NELL1: variants seen among roughly 807,000 people sequenced by gnomAD.
NELL1 encodes the protein neural EGFL like 1.
A neutral mutation model predicts 107.4 loss-of-function variants in NELL1; 76 were observed. That is an observed-to-expected ratio of 0.71 (90% CI 0.59 to 0.86). The LOEUF (loss-of-function observed/expected upper bound fraction) is 0.86, where lower values mean the gene tolerates loss of function less well. Ranked by LOEUF, NELL1 falls within the 40% of genes least tolerant of loss-of-function variation. The pLI is 0.00. For synonymous variants in NELL1, 353 were observed against 341.2 expected, an observed-to-expected ratio of 1.03 and a Z score of -0.38; for missense variants, 1,024 against 1,005.5, an observed-to-expected ratio of 1.02 and a Z score of -0.25.
chr11:21,045,333 A>G (rs1257494337), intron 12 of NELL1, among the ~76,000 whole-genome samples: 1 of 152,166 alleles, frequency 6.6e-6, no homozygotes, highest in African/African-American at 2.4e-5. Flanking sequence ...GGTTTGAGGG[A>G]AGAGAGTGTT....
rs1851208896 is a variant in NELL1 at position 20,957,834 on chromosome 11, A to G, written c.1172-2598A>G. Among the ~76,000 whole-genome samples the G allele has an allele frequency of 1.3e-5, 2 of 152,186 alleles. 1 individual carries two copies. Among genetic ancestry groups the G allele is most frequent in the South Asian group, 4.1e-4 (2 of 4,832 alleles). Reference sequence around the variant, plus strand: ...ATTAATAAACTGAAAGATACATCTCAAAATGATGCAGAATTCACCATAAAG... The same window carrying G: ...ATTAATAAACTGAAAGATACATCTCGAAATGATGCAGAATTCACCATAAAG... On this transcript the variant is annotated intron_variant, in intron 11 of 19. Transcript: ENST00000357134.
At chr11:21,127,338 A>G (rs59231015) in intron 13 of NELL1, among the ~76,000 whole-genome samples, 42,102 of 152,108 alleles carry the variant, frequency 0.28, 6,402 homozygotes, top group African/African-American at 0.39. Flanking sequence ...GCTCACACCC[A>G]TAATCTCAGC....
intron 14 of NELL1, among the ~76,000 whole-genome samples, chr11:21,248,279 G>A (rs1009690050): frequency 2.6e-5 from 4 of 151,680 alleles, no homozygotes; most frequent in East Asian, 1.9e-4. Context: ...CCAGGATGTC[G>A]AAGCTGCAGT....
chr11:21,544,764 T>C (rs1856390812), intron 16 of NELL1, among the ~76,000 whole-genome samples: 1 of 151,948 alleles, frequency 6.6e-6, no homozygotes, highest in South Asian at 2.1e-4. Context: ...ATGGATTTGG[T>C]TTCTATTATT....
chr11:21,308,956 G>A (rs943806742), intron 14 of NELL1, among the ~76,000 whole-genome samples: 8 of 151,608 alleles, frequency 5.3e-5, no homozygotes, highest in Non-Finnish European at 8.8e-5. Flanking sequence ...TGAAAAAAAA[G>A]CAAAGTTCCT....
At chr11:21,299,795 T>C (rs1849455003) in intron 14 of NELL1, among the ~76,000 whole-genome samples, 1 of 152,010 alleles carries the variant, frequency 6.6e-6, no homozygotes. Flanking sequence ...GAAGACTTTA[T>C]TTATGGACAT....
intron 2 of NELL1, among the ~76,000 whole-genome samples, chr11:20,751,069 A>G (rs1856126209): frequency 6.6e-6 from 1 of 151,572 alleles, no homozygotes; most frequent in Admixed American, 6.6e-5. Flanking sequence ...ATATGAATCT[A>G]TTTCTATTCC....
At chr11:21,183,566 T>G (rs1233164107) in intron 13 of NELL1, among the ~76,000 whole-genome samples, 1 of 151,768 alleles carries the variant, frequency 6.6e-6, no homozygotes, top group Non-Finnish European at 1.5e-5. Context: ...AGATTATCAT[T>G]AATTAAGGAA....
intron 13 of NELL1, among the ~76,000 whole-genome samples, chr11:21,139,493 CTT>C (rs1855819737): frequency 6.6e-6 from 1 of 152,196 alleles, no homozygotes; most frequent in Admixed American, 6.5e-5. Flanking sequence ...GTTTTCCCTT[CTT>C]ACAACTTATC....
chr11:21,320,586 C>T (rs908182704), intron 14 of NELL1, among the ~76,000 whole-genome samples: 3 of 152,134 alleles, frequency 2.0e-5, no homozygotes, highest in African/African-American at 7.2e-5. Context: ...CAGATGAAGA[C>T]ACTGTACTAA....
chr11:20,694,732 G>T (rs1161554470), intron 2 of NELL1, among the ~76,000 whole-genome samples: 1 of 151,830 alleles, frequency 6.6e-6, no homozygotes, highest in Admixed American at 6.6e-5. Flanking sequence ...TGTTTCTGTG[G>T]GGTAATGCTC....
At chr11:21,442,209 T>C (rs1853302843) in intron 15 of NELL1, among the ~76,000 whole-genome samples, 1 of 152,204 alleles carries the variant, frequency 6.6e-6, no homozygotes, top group South Asian at 2.1e-4. Context: ...AAATCTATTG[T>C]TAAGAAGTAG....
At chr11:20,729,433 G>T (rs528708931) in intron 2 of NELL1, among the ~76,000 whole-genome samples, 4 of 151,936 alleles carry the variant, frequency 2.6e-5, no homozygotes, top group Non-Finnish European at 5.9e-5. Context: ...GTATGATGTT[G>T]GTTATGGATT....
intron 13 of NELL1, among the ~76,000 whole-genome samples, chr11:21,155,189 G>T (rs2133791904): frequency 6.6e-6 from 1 of 152,224 alleles, no homozygotes; most frequent in Middle Eastern, 3.4e-3. Flanking sequence ...GGTGGATGAT[G>T]GTATTACTAA....
intron 14 of NELL1, among the ~76,000 whole-genome samples, chr11:21,251,967 G>T (rs1858649689): frequency 6.6e-6 from 1 of 152,248 alleles, no homozygotes; most frequent in African/African-American, 2.4e-5. Context: ...AAAGAACAGG[G>T]TTGTGTTCAT....
At chr11:20,750,992 T>A (rs993140799) in intron 2 of NELL1, among the ~76,000 whole-genome samples, 8 of 152,226 alleles carry the variant, frequency 5.3e-5, no homozygotes, top group Non-Finnish European at 1.0e-4. Flanking sequence ...ACTTTTCCTA[T>A]TTCATTGACT....
At chr11:21,215,336 C>T (rs918486135) in intron 13 of NELL1, among the ~76,000 whole-genome samples, 4 of 152,294 alleles carry the variant, frequency 2.6e-5, no homozygotes, top group African/African-American at 9.6e-5. Context: ...GTAAATTAAA[C>T]TTCTTTCCTT....
At chr11:20,694,823 A>T (rs1207793663) in intron 2 of NELL1, among the ~76,000 whole-genome samples, 4 of 151,848 alleles carry the variant, frequency 2.6e-5, no homozygotes, top group African/African-American at 9.7e-5. Context: ...TTTTAATTCT[A>T]TGAAAAATGA....
intron 12 of NELL1, among the ~76,000 whole-genome samples, chr11:21,021,521 C>T (rs939945301): frequency 2.0e-5 from 3 of 152,052 alleles, no homozygotes; most frequent in Admixed American, 2.0e-4. Flanking sequence ...GAAGGCAAGT[C>T]AGATGAAAGC....
Sources: allele counts gnomAD v4.1 joint callset (sites outside exome capture counted in the v4.1 genomes callset), GRCh38; gene constraint gnomAD v4.1.1; transcripts MANE v1.5; gene names NCBI Gene and HGNC (gene_info 2026-07-23, HGNC 2026-07-21).